ZW10: variants seen among roughly 807,000 people sequenced by gnomAD.
The protein encoded by ZW10 is centromere/kinetochore protein zw10 homolog.
Under a neutral mutation model 87.8 loss-of-function variants are expected in ZW10, and 53 were observed. The ratio of observed to expected loss-of-function variants is 0.60; its 90% confidence interval spans 0.48 to 0.76. The LOEUF (loss-of-function observed/expected upper bound fraction) is 0.76, where lower values mean the gene tolerates loss of function less well. Ranked by LOEUF, ZW10 falls within the 30% of genes least tolerant of loss-of-function variation. The pLI is 0.00. For missense variants in ZW10, 837 were observed against 923.0 expected, an observed-to-expected ratio of 0.91 and a Z score of 1.21; for synonymous variants, 312 against 329.2, an observed-to-expected ratio of 0.95 and a Z score of 0.57.
At chr11:113,750,208 A>C (rs1953720523) in intron 7 of ZW10, among the ~76,000 whole-genome samples, 1 of 152,216 alleles carries the variant, frequency 6.6e-6, no homozygotes, top group African/African-American at 2.4e-5. Context: ...GACTAGAAGA[A>C]AGTATGTCAC....
chr11:113,754,890 C>T (rs1953767245), intron 7 of ZW10, among the ~76,000 whole-genome samples: 1 of 152,094 alleles, frequency 6.6e-6, no homozygotes, highest in Non-Finnish European at 1.5e-5. Flanking sequence ...ATTCTCTTAC[C>T]GTGGCCTTCC....
In ZW10 at chr11:113,739,428, T is replaced by C. The variant is rs202118708; in HGVS notation, c.1584-46A>G. The C allele has an allele frequency of 3.2e-5, 49 of 1,539,180 alleles. No homozygotes were observed. The East Asian group carries it at 1.1e-3, about 36-fold the overall frequency. ...GAAAAACAAAGCAACCACCTGTTAC[T>C]GAAGCTGGGGTTGATGAAAGTCACA... On this transcript the variant is annotated intron_variant, in intron 11 of 15. Coordinates refer to ENST00000200135, the MANE Select transcript of ZW10 (RefSeq NM_004724.4).
chr11:113,740,917 A>G lies in ZW10; in HGVS notation c.1583+777T>C, dbSNP rs564479071. Among the ~76,000 whole-genome samples, 9 of 152,344 alleles carry G rather than the reference A, an allele frequency of 5.9e-5. No homozygotes were observed. The South Asian group carries it at 1.9e-3, about 32-fold the overall frequency. ...TTAAATCCCCAAGGACAAGGCTGTC[A>G]GCTAATGCAAATATGTTTTCTCTTT... On this transcript the variant is annotated intron_variant, in intron 11 of 15. Coordinates refer to ENST00000200135, the MANE Select transcript of ZW10 (RefSeq NM_004724.4).
In ZW10 at chr11:113,760,551, C is replaced by A; in HGVS notation, c.382G>T (p.Glu128Ter). The A allele has an allele frequency of 6.2e-7, 1 of 1,613,938 alleles. No individual in the cohort carries two copies. ...TGAGCACCAGTGACATACTTCTTCT[C>A]TGTTAATGCACAATTATATTCTTCA... Reference protein sequence around the residue: ...AIEEYNCALTEKKYVTGAQRL... With the variant: ...AIEEYNCALT Residue 128 changes from glutamate (E) to a stop codon, truncating the protein, a stop_gained, in exon 4 of 16, where the codon GAG becomes TAG. Transcript: ENST00000200135. LOFTEE classifies it high-confidence loss of function.
intron 7 of ZW10, chr11:113,751,128 A>C (rs1370643533): frequency 2.8e-5 from 6 of 213,690 alleles, no homozygotes; most frequent in Admixed American, 2.1e-4. Context: ...AGTCCAACTT[A>C]ATGAAACCAA....
At chr11:113,769,100 C>A in intron 1 of ZW10, 133 bp from the exon 2 acceptor site, 1 of 811,320 alleles carries the variant, frequency 1.2e-6, no homozygotes, top group Non-Finnish European at 1.9e-6. Flanking sequence ...CATTCACTTT[C>A]CCTCCAAGCC....
At chr11:113,753,474 C>T (rs1953753921) in intron 7 of ZW10, among the ~76,000 whole-genome samples, 1 of 152,148 alleles carries the variant, frequency 6.6e-6, no homozygotes, top group African/African-American at 2.4e-5. Flanking sequence ...GGCATGATCT[C>T]AGCTCACTGC....
intron 12 of ZW10, among the ~76,000 whole-genome samples, chr11:113,738,725 T>A (rs1201124182): frequency 6.6e-6 from 1 of 152,164 alleles, no homozygotes; most frequent in Non-Finnish European, 1.5e-5. Flanking sequence ...AAAAGCTAAG[T>A]GAAACACATA....
intron 8 of ZW10, 50 bp downstream of exon 8, chr11:113,748,207 A>AT (rs769678376): frequency 2.0e-6 from 3 of 1,487,180 alleles, no homozygotes; most frequent in Non-Finnish European, 2.7e-6. Context: ...AAAGACAGCA[A>AT]TAAGAAACAA....
Position 113,741,764 on chromosome 11 carries a change from C to T in ZW10, c.1513G>A (p.Ala505Thr), listed in dbSNP as rs772786910. 4 of 1,602,646 alleles carry T rather than the reference C, an allele frequency of 2.5e-6. No homozygotes were observed. Among genetic ancestry groups the T allele is most frequent in the Admixed American group, 1.7e-5 (1 of 58,036 alleles). The change falls in exon 11 of 16, where the codon GCT becomes ACT. Residue 505 changes from alanine (A) to threonine (T), a missense_variant and splice_region_variant. Transcript: ENST00000200135. ...CTCACTGAGTAGAAAAGTTGAACAG[C>T]ACTAAAAAGAAAACATAGACTTAAC... Reference protein sequence around the residue: ...LEATTSSDQCAVQLFYSVRNI... With the variant: ...LEATTSSDQCTVQLFYSVRNI...
At chr11:113,734,439 A>T (rs1197826064) in intron 15 of ZW10, among the ~76,000 whole-genome samples, 1 of 152,222 alleles carries the variant, frequency 6.6e-6, no homozygotes, top group Non-Finnish European at 1.5e-5. Flanking sequence ...AACAGGACAA[A>T]TAAACTATGA....
intron 15 of ZW10, among the ~76,000 whole-genome samples, chr11:113,736,252 G>A (rs1217301558): frequency 6.6e-6 from 1 of 151,688 alleles, no homozygotes; most frequent in Non-Finnish European, 1.5e-5. Context: ...TCCAACCTGG[G>A]TGACAGAGTA....
chr11:113,741,090 G>T (rs1953611789), intron 11 of ZW10, among the ~76,000 whole-genome samples: 1 of 148,514 alleles, frequency 6.7e-6, no homozygotes, highest in Non-Finnish European at 1.5e-5. Context: ...TCAAAAATCT[G>T]AACTAAAAAA....
In ZW10 at chr11:113,744,460, C is replaced by T. The variant is rs560277610; in HGVS notation, c.1273-420G>A. 3.3e-5 allele frequency among the ~76,000 whole-genome samples: 5 copies of T among 152,294 alleles called. No individual in the cohort carries two copies. In the East Asian group the frequency reaches 9.7e-4, roughly 29 times the overall value. Reference sequence around the variant, plus strand: ...TAAGATACTGCTTGCTTTCATGATACAGCTACGGCTCTACAGAGTAATTAA... The same window carrying T: ...TAAGATACTGCTTGCTTTCATGATATAGCTACGGCTCTACAGAGTAATTAA... On this transcript the variant is annotated intron_variant, in intron 9 of 15. Transcript: ENST00000200135.
In ZW10 at chr11:113,760,219, TG is replaced by T; in HGVS notation, c.569del (p.Pro190HisfsTer60). 1.2e-6 allele frequency: 2 copies of T among 1,613,958 alleles called. No homozygotes were observed. The highest frequency in any genetic ancestry group is 4.5e-5 in the East Asian group (2 of 44,882). On this transcript the variant is annotated frameshift_variant, in exon 5 of 16. Coordinates refer to ENST00000200135, the MANE Select transcript of ZW10 (RefSeq NM_004724.4). LOFTEE classifies it high-confidence loss of function. The stretch of plus-strand genomic sequence containing the variant: ...TGAGGTCAGCAGCACCTTTTGATGG[TG>T]GGAACTTCCATACAATCAGCTTCTG... ...EWQKLIVWKF[P>X]PSKDTSSLES...
chr11:113,765,756 C>A (rs183263499), intron 2 of ZW10, among the ~76,000 whole-genome samples: 1 of 152,294 alleles, frequency 6.6e-6, no homozygotes, highest in Non-Finnish European at 1.5e-5. Context: ...TCTCACATTT[C>A]TGCACTATCT....
Position 113,739,336 on chromosome 11 carries a change from T to C in ZW10, c.1630A>G (p.Asn544Asp). Reference protein sequence around the residue: ...LPQLAAIHHNNCMYIAHHLLT... With the variant: ...LPQLAAIHHNDCMYIAHHLLT... ...AAGTGGTGAGCAATGTACATACAGTTGTTGTGATGAATAGCAGCCAACTGG... is the reference window on the plus strand; with the variant it reads ...AAGTGGTGAGCAATGTACATACAGTCGTTGTGATGAATAGCAGCCAACTGG... Residue 544 changes from asparagine to aspartate, a missense_variant, in exon 12 of 16, where the codon AAC becomes GAC. Physicochemically the swap from Asn to Asp is conservative, Grantham distance 23 (BLOSUM62 1). Coordinates refer to ENST00000200135, the MANE Select transcript of ZW10 (RefSeq NM_004724.4). The C allele has an allele frequency of 6.2e-7, 1 of 1,608,124 alleles. No homozygotes were observed. The highest frequency in any genetic ancestry group is 8.5e-7 in the Non-Finnish European group (1 of 1,177,442).
chr11:113,738,446 T>A (rs1953577117), intron 12 of ZW10, 52 bp from the exon 13 acceptor site: 1 of 1,569,156 alleles, frequency 6.4e-7, no homozygotes, highest in Non-Finnish European at 8.7e-7. Context: ...AATTACACAC[T>A]GCAAAACCAG....
Position 113,766,442 on chromosome 11 carries a change from G to A in ZW10, c.240+2391C>T, listed in dbSNP as rs972193072. ...TCCCAGCACTTTGGGAGGCCGAGGC[G>A]GGTGGATCACGAGGTCAGGAGATCG... On this transcript the variant is annotated intron_variant, in intron 2 of 15. Transcript: ENST00000200135. 7.3e-5 allele frequency among the ~76,000 whole-genome samples: 11 copies of A among 151,700 alleles called. No homozygotes were observed. The East Asian group carries it at 1.8e-3, about 24-fold the overall frequency.
Sources: gnomAD v4.1 joint callset for allele counts (sites outside exome capture counted in the v4.1 genomes callset) on GRCh38, gnomAD v4.1.1 for gene constraint, MANE v1.5 for transcripts, NCBI Gene and HGNC (gene_info 2026-07-23, HGNC 2026-07-21) for gene names.